CDH9: variants seen among roughly 807,000 people sequenced by gnomAD.
The protein encoded by CDH9 is cadherin-9.
CDH9 carries 28 observed loss-of-function variants against 70.9 expected under a neutral mutation model. The observed-to-expected ratio is 0.40, with a 90% CI of 0.29 to 0.54. CDH9 has a LOEUF of 0.54. Ranked by LOEUF, CDH9 falls within the 20% of genes least tolerant of loss-of-function variation. The pLI, the probability that CDH9 is intolerant of heterozygous loss-of-function variation, is 0.59. For missense variants in CDH9, 874 were observed against 984.4 expected, an observed-to-expected ratio of 0.89 and a Z score of 1.50; for synonymous variants, 409 against 343.1, an observed-to-expected ratio of 1.19 and a Z score of -2.12.
At chr5:26,963,337 G>A (rs1203747742) in intron 2 of CDH9, among the ~76,000 whole-genome samples, 1 of 152,110 alleles carries the variant, frequency 6.6e-6, no homozygotes, top group Non-Finnish European at 1.5e-5. Context: ...AATTGGACTA[G>A]TTTTTAGTTG....
chr5:26,922,209 A>T (rs1276184304), intron 2 of CDH9, among the ~76,000 whole-genome samples: 1 of 152,050 alleles, frequency 6.6e-6, no homozygotes, highest in African/African-American at 2.4e-5. Context: ...TTAGAAAAAA[A>T]TATTAATATT....
chr5:27,025,443 G>C (rs1484388942), intron 1 of CDH9, among the ~76,000 whole-genome samples: 1 of 151,942 alleles, frequency 6.6e-6, no homozygotes. Flanking sequence ...AGAAACACAG[G>C]CTACTTTAGT....
intron 11 of CDH9, 141 bp from the exon 12 acceptor site, chr5:26,881,764 G>C (rs1740470583): frequency 1.4e-6 from 1 of 726,666 alleles, no homozygotes; most frequent in African/African-American, 1.8e-5. Context: ...TACAAATACA[G>C]AGTTCCTCTA....
chr5:26,990,566 G>A (rs543208596), intron 1 of CDH9, among the ~76,000 whole-genome samples: 3 of 152,142 alleles, frequency 2.0e-5, no homozygotes, highest in Non-Finnish European at 4.4e-5. Flanking sequence ...TATAAAACCC[G>A]GAATTAGATA....
At chr5:27,035,857 T>C (rs1743384998) in intron 1 of CDH9, among the ~76,000 whole-genome samples, 1 of 151,786 alleles carries the variant, frequency 6.6e-6, no homozygotes, top group African/African-American at 2.4e-5. Context: ...TCTTAAAGAA[T>C]ATAGCAAATT....
rs138165567 is a variant in CDH9, at chr5:26,951,017, C to T, written c.229-35093G>A. 6.3e-3 allele frequency among the ~76,000 whole-genome samples: 961 copies of T among 152,012 alleles called. 11 individuals are homozygous for T. Among genetic ancestry groups the T allele is most frequent in the African/African-American group, 0.022 (903 of 41,502 alleles). ...AGACACTCCTTGGAATAATAAAAGG[C>T]GTGTGCTGGCTCGCGCCTGTAATCC... On this transcript the variant is annotated intron_variant, in intron 2 of 11. Coordinates refer to ENST00000231021, the MANE Select transcript of CDH9 (RefSeq NM_016279.4).
intron 1 of CDH9, among the ~76,000 whole-genome samples, chr5:27,020,935 A>C (rs769652231): frequency 6.6e-6 from 1 of 151,880 alleles, no homozygotes; most frequent in Non-Finnish European, 1.5e-5. Flanking sequence ...GTATTTAAAC[A>C]CTGTTATCAA....
chr5:26,947,400 T>TC (rs1741772854), intron 2 of CDH9, among the ~76,000 whole-genome samples: 1 of 152,160 alleles, frequency 6.6e-6, no homozygotes, highest in Admixed American at 6.5e-5. Flanking sequence ...ACTCTTATAA[T>TC]CCAACTGTTC....
intron 1 of CDH9, among the ~76,000 whole-genome samples, chr5:27,008,558 T>C (rs988992961): frequency 1.3e-5 from 2 of 152,082 alleles, no homozygotes; most frequent in East Asian, 3.9e-4. Context: ...AATTACAGTC[T>C]TTTTCTTTCA....
chr5:27,035,656 ATGT>A (rs1743378234), intron 1 of CDH9, among the ~76,000 whole-genome samples: 2 of 149,834 alleles, frequency 1.3e-5, no homozygotes, highest in African/African-American at 4.9e-5. Context: ...AAATTACTCT[ATGT>A]TAATATTGCT....
At chr5:27,012,397 T>A (rs1742974303) in intron 1 of CDH9, among the ~76,000 whole-genome samples, 1 of 151,942 alleles carries the variant, frequency 6.6e-6, no homozygotes, top group Non-Finnish European at 1.5e-5. Context: ...AAACAAATTT[T>A]AAAAATCTCT....
At chr5:26,923,972 T>C (rs1741292210) in intron 2 of CDH9, among the ~76,000 whole-genome samples, 1 of 151,750 alleles carries the variant, frequency 6.6e-6, no homozygotes, top group African/African-American at 2.4e-5. Flanking sequence ...AATAACCTAA[T>C]AATACATCAT....
Position 26,881,235 on chromosome 5 carries a change from T to A in CDH9, c.2271A>T (p.Thr757=), listed in dbSNP as rs1561180257. The change falls in exon 12 of 12, where the codon ACA becomes ACT. Residue 757 remains threonine (T), a synonymous_variant. Transcript: ENST00000231021. ...AATCATAATCTTGGTTACAATCAGC[T>A]GTGAGAGATTCCAAAGAACTGAGCG... ...ADSLSSLESL[T]ADCNQDYDYL... 1 of 1,613,506 alleles carries A rather than the reference T, an allele frequency of 6.2e-7. No individual in the cohort carries two copies. Among genetic ancestry groups the A allele is most frequent in the Non-Finnish European group, 8.5e-7 (1 of 1,179,544 alleles).
intron 5 of CDH9, among the ~76,000 whole-genome samples, chr5:26,904,921 C>T (rs748655279): frequency 2.6e-5 from 4 of 151,946 alleles, no homozygotes; most frequent in Non-Finnish European, 4.4e-5. Context: ...AACAGAATTA[C>T]AGAATGTCAA....
chr5:26,952,779 T>G (rs998889728), intron 2 of CDH9, among the ~76,000 whole-genome samples: 1 of 150,672 alleles, frequency 6.6e-6, no homozygotes, highest in Non-Finnish European at 1.5e-5. Context: ...GGACAAATGG[T>G]GTATCATGGG....
At chr5:26,999,485 A>G (rs1341412709) in intron 1 of CDH9, among the ~76,000 whole-genome samples, 1 of 152,184 alleles carries the variant, frequency 6.6e-6, no homozygotes, top group Non-Finnish European at 1.5e-5. Flanking sequence ...CAAACTTGCT[A>G]TGTAGGTACA....
intron 9 of CDH9, among the ~76,000 whole-genome samples, chr5:26,887,968 T>G (rs920906664): frequency 3.3e-5 from 5 of 152,264 alleles, no homozygotes; most frequent in African/African-American, 1.2e-4. Flanking sequence ...ATTTTATACT[T>G]CCAGCCTCCA....
intron 2 of CDH9, among the ~76,000 whole-genome samples, chr5:26,978,178 T>TTA (rs1554001763): frequency 1.5e-4 from 23 of 151,020 alleles, no homozygotes; most frequent in Non-Finnish European, 2.5e-4. Flanking sequence ...TAACACATAA[T>TTA]AAAAAAAAGA....
chr5:26,953,339 C>A (rs1357329660), intron 2 of CDH9, among the ~76,000 whole-genome samples: 1 of 152,138 alleles, frequency 6.6e-6, no homozygotes, highest in African/African-American at 2.4e-5. Flanking sequence ...AAAACTTAGG[C>A]ACTTGTACAC....
Sources: allele counts gnomAD v4.1 joint callset (sites outside exome capture counted in the v4.1 genomes callset), GRCh38; gene constraint gnomAD v4.1.1; transcripts MANE v1.5; gene names NCBI Gene and HGNC (gene_info 2026-07-23, HGNC 2026-07-21).